MAGI1: variants seen among roughly 807,000 people sequenced by gnomAD.
MAGI1 encodes membrane associated guanylate kinase, WW and PDZ domain containing 1.
In MAGI1, 58 loss-of-function variants were observed where a neutral mutation model predicts 139.9. The observed-to-expected ratio is 0.41, with a 90% CI of 0.34 to 0.52. The LOEUF (loss-of-function observed/expected upper bound fraction) is 0.52. Ranked by LOEUF, MAGI1 falls within the 20% of genes least tolerant of loss-of-function variation. MAGI1 has a pLI of 0.12. For synonymous variants in MAGI1, 812 were observed against 737.9 expected, an observed-to-expected ratio of 1.10 and a Z score of -1.63; for missense variants, 1,874 against 1,901.6, an observed-to-expected ratio of 0.99 and a Z score of 0.27.
intron 2 of MAGI1, among the ~76,000 whole-genome samples, chr3:65,562,051 G>A (rs937242577): frequency 6.6e-6 from 1 of 152,070 alleles, no homozygotes; most frequent in Non-Finnish European, 1.5e-5. Flanking sequence ...ATTAATAGTT[G>A]TTAGTCTCTT....
chr3:65,357,071 G>A lies in MAGI1; in HGVS notation c.3696C>T (p.Ala1232=), dbSNP rs771709988. The change falls in exon 23 of 23, where the codon GCC becomes GCT. Residue 1232 remains alanine, a synonymous_variant. Transcript: ENST00000402939. ...ACGGATGCTGCCGGCGGTCGGGCCC[G>A]GCCCTCACTTCCGGAACACCTTGTG... is the stretch of plus-strand genomic sequence containing the variant. ...TGPQGVPEVR[A]GPDRRQHPSL... is the part of the protein sequence containing the mutation. 6.2e-7 allele frequency: 1 copy of A among 1,614,146 alleles called. No homozygotes were observed. Among genetic ancestry groups the A allele is most frequent in the Non-Finnish European group, 8.5e-7 (1 of 1,180,028 alleles).
At chr3:65,504,651 G>T (rs1209360291) in intron 2 of MAGI1, among the ~76,000 whole-genome samples, 1 of 152,152 alleles carries the variant, frequency 6.6e-6, no homozygotes, top group Admixed American at 6.5e-5. Flanking sequence ...CTTCATCCAG[G>T]AAACATAGCA....
chr3:65,849,088 A>G (rs2108381337), intron 1 of MAGI1, among the ~76,000 whole-genome samples: 1 of 127,102 alleles, frequency 7.9e-6, no homozygotes, highest in East Asian at 2.4e-4. Flanking sequence ...AAGTGGCGCA[A>G]TCTCGGCTCA....
chr3:66,014,560 T>C (rs1241136186), intron 1 of MAGI1, among the ~76,000 whole-genome samples: 1 of 152,212 alleles, frequency 6.6e-6, no homozygotes, highest in Non-Finnish European at 1.5e-5. Flanking sequence ...TTACAAGCAA[T>C]GCTATATAGA....
chr3:65,900,105 G>A (rs536296030), intron 1 of MAGI1, among the ~76,000 whole-genome samples: 10 of 151,286 alleles, frequency 6.6e-5, no homozygotes, highest in African/African-American at 1.9e-4. Context: ...AAAAAAAAAC[G>A]AGCTTTCTAC....
intron 1 of MAGI1, among the ~76,000 whole-genome samples, chr3:65,966,373 C>T (rs1011391548): frequency 1.3e-5 from 2 of 152,122 alleles, no homozygotes; most frequent in Admixed American, 6.6e-5. Context: ...AAAAGTTACA[C>T]CAAAATAATA....
At chr3:65,420,859 A>T (rs1946591964) in intron 12 of MAGI1, among the ~76,000 whole-genome samples, 1 of 152,232 alleles carries the variant, frequency 6.6e-6, no homozygotes, top group East Asian at 1.9e-4. Context: ...AGAATGAGAC[A>T]TTGCTTTGTA....
chr3:66,005,110 C>CT (rs201815619), intron 1 of MAGI1, among the ~76,000 whole-genome samples: 2,780 of 152,180 alleles, frequency 0.018, 96 homozygotes, highest in African/African-American at 0.059. Flanking sequence ...TGTTAAATGG[C>CT]TTTTTTATTT....
intron 1 of MAGI1, among the ~76,000 whole-genome samples, chr3:65,960,170 A>G (rs1190213226): frequency 6.6e-6 from 1 of 152,028 alleles, no homozygotes; most frequent in African/African-American, 2.4e-5. Flanking sequence ...TGTCAAACCA[A>G]TGACTGCAGC....
intron 1 of MAGI1, among the ~76,000 whole-genome samples, chr3:65,683,216 C>T (rs2087718843): frequency 6.6e-6 from 1 of 151,722 alleles, no homozygotes; most frequent in Admixed American, 6.6e-5. Flanking sequence ...GGATACATGT[C>T]ATTATAAATT....
chr3:65,590,991 C>T (rs1331290207), intron 2 of MAGI1, among the ~76,000 whole-genome samples: 1 of 152,166 alleles, frequency 6.6e-6, no homozygotes, highest in Non-Finnish European at 1.5e-5. Context: ...TTCTCTTTAA[C>T]TCAGTGATGC....
intron 1 of MAGI1, among the ~76,000 whole-genome samples, chr3:65,981,406 T>C (rs1379387768): frequency 6.6e-6 from 1 of 152,196 alleles, no homozygotes; most frequent in Non-Finnish European, 1.5e-5. Flanking sequence ...ACTTTGGAGT[T>C]ATGCTGACTT....
chr3:65,621,984 G>A lies in MAGI1; in HGVS notation c.418C>T (p.His140Tyr). ...QQTIRDNLYR[H>Y]AVPCTTRSPR... The stretch of plus-strand genomic sequence containing the variant: ...TCCAACTACTTACAAGGCACAGCAT[G>A]GCGGTAAAGGTTATCCCTTATGGTC... Residue 140 changes from histidine (H) to tyrosine (Y), a missense_variant, in exon 2 of 23, where the codon CAT becomes TAT. His to Tyr is a moderately conservative substitution (Grantham distance 83). Coordinates refer to ENST00000402939, the MANE Select transcript of MAGI1 (RefSeq NM_001033057.2). 6.2e-7 allele frequency: 1 copy of A among 1,611,044 alleles called. No individual in the cohort carries two copies. The highest frequency in any genetic ancestry group is 1.1e-5 in the South Asian group (1 of 90,976).
intron 1 of MAGI1, among the ~76,000 whole-genome samples, chr3:65,801,702 T>C (rs959674819): frequency 6.6e-6 from 1 of 152,232 alleles, no homozygotes; most frequent in Non-Finnish European, 1.5e-5. Flanking sequence ...TAGTGGAACC[T>C]AACATGACAG....
intron 1 of MAGI1, among the ~76,000 whole-genome samples, chr3:65,675,894 C>T (rs941196246): frequency 6.6e-6 from 1 of 152,168 alleles, no homozygotes; most frequent in African/African-American, 2.4e-5. Flanking sequence ...AATGCTAGAG[C>T]ACAAACAGGG....
At chr3:65,400,012 G>C (rs192893964) in intron 13 of MAGI1, among the ~76,000 whole-genome samples, 284 of 152,206 alleles carry the variant, frequency 1.9e-3, no homozygotes, top group African/African-American at 6.4e-3. Flanking sequence ...GGCTGGGGTT[G>C]GGGAGAAAAA....
At chr3:66,006,168 A>C (rs1273899716) in intron 1 of MAGI1, among the ~76,000 whole-genome samples, 1 of 152,214 alleles carries the variant, frequency 6.6e-6, no homozygotes, top group African/African-American at 2.4e-5. Context: ...ATTGCTCATG[A>C]GGATTTAGCT....
At chr3:66,006,465 G>A (rs1337302382) in intron 1 of MAGI1, among the ~76,000 whole-genome samples, 3 of 152,146 alleles carry the variant, frequency 2.0e-5, no homozygotes, top group Non-Finnish European at 2.9e-5. Context: ...GTGTTTATGT[G>A]TAGGTATATA....
At chr3:65,805,630 C>T (rs2040804417) in intron 1 of MAGI1, among the ~76,000 whole-genome samples, 1 of 152,178 alleles carries the variant, frequency 6.6e-6, no homozygotes, top group Non-Finnish European at 1.5e-5. Context: ...TACAAAGGTA[C>T]ATGCACGTGT....
Sources: gnomAD v4.1 joint callset for allele counts (sites outside exome capture counted in the v4.1 genomes callset) on GRCh38, gnomAD v4.1.1 for gene constraint, MANE v1.5 for transcripts, NCBI Gene and HGNC (gene_info 2026-07-23, HGNC 2026-07-21) for gene names.